Variants in CSMD1 observed in about 807,000 individuals in gnomAD.
CSMD1 encodes CUB and Sushi multiple domains 1, also known as CUB and sushi domain-containing protein 1.
A neutral mutation model predicts 417.5 loss-of-function variants in CSMD1; 213 were observed. That is an observed-to-expected ratio of 0.51 (90% CI 0.46 to 0.57). The LOEUF (loss-of-function observed/expected upper bound fraction) is 0.57. Ranked by LOEUF, CSMD1 falls within the 20% of genes least tolerant of loss-of-function variation. The pLI, the probability that CSMD1 is intolerant of heterozygous loss-of-function variation, is 0.00. For missense variants in CSMD1, 6,923 were observed against 4,529.7 expected (o/e 1.53, Z -15.17); for synonymous variants, 2,862 against 1,736.8 (o/e 1.65, Z -16.11).
intron 4 of CSMD1, among the ~76,000 whole-genome samples, chr8:4,010,914 A>G (rs1269501110): frequency 2.0e-5 from 3 of 152,156 alleles, no homozygotes; most frequent in Non-Finnish European, 4.4e-5. Context: ...AACTTTACAT[A>G]TATGGCCATA....
intron 5 of CSMD1, among the ~76,000 whole-genome samples, chr8:3,949,693 A>G (rs374713463): frequency 6.6e-6 from 1 of 152,164 alleles, no homozygotes; most frequent in South Asian, 2.1e-4. Flanking sequence ...GAGGAATATT[A>G]TAAGGGCACA....
intron 50 of CSMD1, among the ~76,000 whole-genome samples, chr8:3,042,460 G>C (rs1184472648): frequency 6.6e-6 from 1 of 152,160 alleles, no homozygotes; most frequent in African/African-American, 2.4e-5. Flanking sequence ...ACATGATGAT[G>C]ATGCATTTAG....
Position 3,411,562 on chromosome 8 carries a change from G to A in CSMD1, c.1562-1957C>T, listed in dbSNP as rs540394062. ...TATGATGTTTGGCTTTGCATTCCTG[G>A]GTTACTTCACTTAGAATAATAGTCT... On this transcript the variant is annotated intron_variant, in intron 12 of 69. Coordinates refer to ENST00000635120, the MANE Select transcript of CSMD1 (RefSeq NM_033225.6). 8.6e-5 allele frequency among the ~76,000 whole-genome samples: 13 copies of A among 150,962 alleles called. No individual in the cohort carries two copies. In the East Asian group the frequency reaches 2.4e-3, roughly 28 times the overall value.
rs190618416 is a variant in CSMD1, at chr8:3,272,201, T to G, written c.4153+11943A>C. ...ATTAAATAGGGAATGCTTTCCCCAT[T>G]GCTTGTTTTACTCAGGTTTGTCAAA... is the stretch of plus-strand genomic sequence containing the variant. On this transcript the variant is annotated intron_variant, in intron 26 of 69. Transcript: ENST00000635120. Among the ~76,000 whole-genome samples, 404 of 147,308 alleles carry G rather than the reference T, an allele frequency of 2.7e-3. 4 individuals carry two copies. Among genetic ancestry groups the G allele is most frequent in the African/African-American group, 9.7e-3 (389 of 39,918 alleles).
chr8:3,828,575 C>T (rs997884246), intron 5 of CSMD1, among the ~76,000 whole-genome samples: 7 of 152,196 alleles, frequency 4.6e-5, no homozygotes, highest in African/African-American at 1.7e-4. Flanking sequence ...CGTATTGACT[C>T]TCTCTGCAAA....
chr8:3,407,467 G>C (rs1014972395), intron 14 of CSMD1, among the ~76,000 whole-genome samples: 7 of 151,960 alleles, frequency 4.6e-5, no homozygotes, highest in African/African-American at 2.4e-5. Context: ...ATGGAAGAAA[G>C]GATGGATAGA....
chr8:4,602,586 C>CA (rs148284757), intron 2 of CSMD1, among the ~76,000 whole-genome samples: 26 of 152,264 alleles, frequency 1.7e-4, no homozygotes, highest in African/African-American at 6.3e-4. Flanking sequence ...AACGTGCCTA[C>CA]AAGTAAAGAA....
intron 1 of CSMD1, 70 bp downstream of exon 1, chr8:4,994,260 GCA>G: frequency 2.1e-6 from 3 of 1,414,662 alleles, no homozygotes; most frequent in Non-Finnish European, 2.9e-6. Flanking sequence ...TCCCCAAAAC[GCA>G]CACTCGCGTC....
At chr8:4,289,280 G>A (rs1288371244) in intron 3 of CSMD1, among the ~76,000 whole-genome samples, 1 of 152,064 alleles carries the variant, frequency 6.6e-6, no homozygotes, top group African/African-American at 2.4e-5. Flanking sequence ...AGGCTAATTT[G>A]CCTACATAAT....
At chr8:3,275,514 T>C (rs1243665473) in intron 26 of CSMD1, among the ~76,000 whole-genome samples, 1 of 152,244 alleles carries the variant, frequency 6.6e-6, no homozygotes, top group African/African-American at 2.4e-5. Context: ...GATAATATCC[T>C]GCAGAGTGTT....
chr8:3,769,248 C>T (rs543289386), intron 5 of CSMD1, among the ~76,000 whole-genome samples: 1 of 152,268 alleles, frequency 6.6e-6, no homozygotes, highest in South Asian at 2.1e-4. Context: ...TGATCATCAC[C>T]ATGATTCTTC....
intron 68 of CSMD1, among the ~76,000 whole-genome samples, chr8:2,946,686 A>G (rs150556431): frequency 1.0e-3 from 158 of 152,340 alleles, no homozygotes; most frequent in African/African-American, 3.5e-3. Flanking sequence ...ATTATAAATA[A>G]TGCTGCTCTA....
chr8:4,081,083 T>G (rs1800105450), intron 3 of CSMD1, among the ~76,000 whole-genome samples: 1 of 152,282 alleles, frequency 6.6e-6, no homozygotes, highest in Non-Finnish European at 1.5e-5. Context: ...AATGCAACAC[T>G]TTGGAAGCAG....
chr8:4,308,086 G>C (rs13263350), intron 3 of CSMD1, among the ~76,000 whole-genome samples: 18,825 of 152,096 alleles, frequency 0.12, 1,276 homozygotes, highest in African/African-American at 0.18. Flanking sequence ...GTCTTTATTC[G>C]AACAGTGGCA....
intron 11 of CSMD1, among the ~76,000 whole-genome samples, chr8:3,491,236 G>C (rs918044956): frequency 6.6e-6 from 1 of 152,182 alleles, no homozygotes; most frequent in South Asian, 2.1e-4. Flanking sequence ...TCCTGGAGCA[G>C]TATCACATCA....
chr8:2,943,118 AAG>A (rs1802001210), intron 68 of CSMD1, among the ~76,000 whole-genome samples: 1 of 152,220 alleles, frequency 6.6e-6, no homozygotes, highest in Admixed American at 6.5e-5. Flanking sequence ...AAATTCACAG[AAG>A]AGTTTAGAAA....
intron 33 of CSMD1, among the ~76,000 whole-genome samples, chr8:3,199,396 G>A (rs1216208177): frequency 6.6e-6 from 1 of 151,878 alleles, no homozygotes; most frequent in East Asian, 1.9e-4. Context: ...TACGTAATTA[G>A]ATAAAATACT....
chr8:3,137,724 A>G (rs1325780410), intron 41 of CSMD1, among the ~76,000 whole-genome samples: 1 of 152,230 alleles, frequency 6.6e-6, no homozygotes, highest in East Asian at 1.9e-4. Flanking sequence ...TGTATCGCTC[A>G]GGGAACGATG....
intron 11 of CSMD1, among the ~76,000 whole-genome samples, chr8:3,472,306 T>C (rs1817152588): frequency 6.6e-6 from 1 of 152,120 alleles, no homozygotes; most frequent in African/African-American, 2.4e-5. Context: ...CTGACCACAC[T>C]GCAACATCTT....
Sources: gnomAD v4.1 joint callset for allele counts (sites outside exome capture counted in the v4.1 genomes callset) on GRCh38, gnomAD v4.1.1 for gene constraint, MANE v1.5 for transcripts, NCBI Gene and HGNC (gene_info 2026-07-23, HGNC 2026-07-21) for gene names.